ATXN2: variants seen among roughly 807,000 people sequenced by gnomAD.
ATXN2 encodes the protein ataxin 2.
A neutral mutation model predicts 138.6 loss-of-function variants in ATXN2; 37 were observed. That is an observed-to-expected ratio of 0.27 (90% confidence interval 0.21 to 0.35). The LOEUF (loss-of-function observed/expected upper bound fraction) is 0.35. Ranked by LOEUF, ATXN2 falls within the 10% of genes least tolerant of loss-of-function variation. The pLI is 1.00. For synonymous variants in ATXN2, 549 were observed against 543.7 expected (o/e 1.01, Z -0.13); for missense variants, 1,216 against 1,480.3 (o/e 0.82, Z 2.93).
At position 111,599,258 on chromosome 12, in the gene ATXN2, GCGC is replaced by G. The variant is rs1472453289; in HGVS notation, c.-227_-225del. 2.6e-6 allele frequency: 3 copies of G among 1,168,948 alleles called. No individual in the cohort carries two copies. The highest frequency in any genetic ancestry group is 8.2e-5 in the South Asian group (2 of 24,274). 72.4% of individuals were successfully genotyped at this position (1,168,948 alleles called of 1,614,324 possible). A position where few individuals can be genotyped will look rare whatever the true frequency, so the allele number is the denominator to read the frequency against. ...GAGCCGCCGGGAGCCGGGCCGAAAC[GCGC>G]CGCCGCCGTTGCCGTTGCTACCAAA... is the stretch of plus-strand genomic sequence containing the variant. On this transcript the variant is annotated 5_prime_UTR_variant, in exon 1 of 25. Transcript: ENST00000673436.
At chr12:111,587,085 A>AAT (rs1368608807) in intron 1 of ATXN2, among the ~76,000 whole-genome samples, 1 of 150,426 alleles carries the variant, frequency 6.6e-6, no homozygotes, top group African/African-American at 2.4e-5. Flanking sequence ...AAAAAAAAAA[A>AAT]AAAAAAAAGA....
chr12:111,465,335 C>A (rs1179610223), intron 20 of ATXN2, among the ~76,000 whole-genome samples: 1 of 149,476 alleles, frequency 6.7e-6, no homozygotes, highest in Non-Finnish European at 1.5e-5. Context: ...TCTTACTTAT[C>A]TGCATTAAAC....
intron 14 of ATXN2, among the ~76,000 whole-genome samples, chr12:111,498,686 A>G (rs1029799703): frequency 3.3e-5 from 5 of 152,326 alleles, no homozygotes; most frequent in African/African-American, 1.2e-4. Flanking sequence ...AATACCAATG[A>G]CATTCCTCAC....
At chr12:111,470,872 C>A (rs778138011) in intron 18 of ATXN2, 130 bp from the exon 19 acceptor site, 3 of 879,314 alleles carry the variant, frequency 3.4e-6, no homozygotes, top group Non-Finnish European at 5.3e-6. Context: ...CATACCACTC[C>A]CACTTCTGCC....
Position 111,453,096 on chromosome 12 carries a change from A to C in ATXN2, c.3440-256T>G. 7.8e-7 allele frequency: 1 copy of C among 1,276,098 alleles called. No individual in the cohort carries two copies. The highest frequency in any genetic ancestry group is 9.9e-7 in the Non-Finnish European group (1 of 1,012,344). 79.0% of individuals were successfully genotyped at this position (1,276,098 alleles called of 1,614,324 possible). On this transcript the variant is annotated intron_variant, in intron 24 of 24. Coordinates refer to ENST00000673436, the MANE Select transcript of ATXN2 (RefSeq NM_001372574.1). This position sits in a 1 kb window ranked among gnomAD's most constrained non-coding sequence, Gnocchi z 5.4. ...TTCATGGGGTAGAAAAAAAGGCCTTAACAAACCCCCTCCCCAAATATTAGC... is the reference window on the plus strand; with the variant it reads ...TTCATGGGGTAGAAAAAAAGGCCTTCACAAACCCCCTCCCCAAATATTAGC...
At chr12:111,524,617 T>G (rs1372862231) in intron 6 of ATXN2, among the ~76,000 whole-genome samples, 2 of 152,172 alleles carry the variant, frequency 1.3e-5, no homozygotes, top group Non-Finnish European at 2.9e-5. Context: ...GTACAGATAA[T>G]GCATTAAAGA....
In ATXN2 at chr12:111,485,335, G is replaced by A. The variant is rs1877563615; in HGVS notation, c.2458-4C>T. ...TCATAGGTATTGGGTATAAAGGCTTGAGAGAATTAAAAAAAAAATTAACAT... is the reference window on the plus strand; with the variant it reads ...TCATAGGTATTGGGTATAAAGGCTTAAGAGAATTAAAAAAAAAATTAACAT... On this transcript the variant is annotated splice_region_variant and splice_polypyrimidine_tract_variant and intron_variant, in intron 17 of 24. Transcript: ENST00000673436. 3 of 1,607,880 alleles carry A rather than the reference G, an allele frequency of 1.9e-6. No homozygotes were observed. Among genetic ancestry groups the A allele is most frequent in the Non-Finnish European group, 2.6e-6 (3 of 1,176,412 alleles).
At chr12:111,505,213 G>GA (rs374587661) in intron 14 of ATXN2, among the ~76,000 whole-genome samples, 1 of 150,736 alleles carries the variant, frequency 6.6e-6, no homozygotes. Context: ...TGTGTCAAAA[G>GA]AAAAAAAAAG....
rs528083499 is a variant in ATXN2 at position 111,505,691 on chromosome 12, A to G, written c.1935+3858T>C. On this transcript the variant is annotated intron_variant, in intron 14 of 24. Transcript: ENST00000673436. ...GACTATAATCAAAAAAGACAAGACA[A>G]TAAGTGTTAGCAAGGATGTGGAGAA... Among the ~76,000 whole-genome samples, 11 of 152,358 alleles carry G rather than the reference A, an allele frequency of 7.2e-5. No homozygotes were observed. The East Asian group carries it at 1.3e-3, about 19-fold the overall frequency.
intron 1 of ATXN2, among the ~76,000 whole-genome samples, chr12:111,580,062 C>T (rs1883908655): frequency 6.6e-6 from 1 of 152,150 alleles, no homozygotes; most frequent in African/African-American, 2.4e-5. Context: ...GATCCTCCCA[C>T]CTCAGCTCCC....
chr12:111,475,646 G>A (rs527517765), intron 18 of ATXN2, among the ~76,000 whole-genome samples: 2 of 151,212 alleles, frequency 1.3e-5, no homozygotes, highest in African/African-American at 2.4e-5. Flanking sequence ...GCCTGCCACC[G>A]GGCCCAGCCA....
chr12:111,587,928 C>T (rs1254893795), intron 1 of ATXN2, among the ~76,000 whole-genome samples: 5 of 152,066 alleles, frequency 3.3e-5, no homozygotes, highest in African/African-American at 1.2e-4. Context: ...CACAGTGGCT[C>T]ACACCTGTAA....
At chr12:111,518,225 G>T in intron 9 of ATXN2, 24 bp downstream of exon 9, 1 of 1,526,746 alleles carries the variant, frequency 6.5e-7, no homozygotes, top group South Asian at 1.3e-5. Flanking sequence ...CAATGATATT[G>T]ACAAGTCTGG....
chr12:111,538,132 A>G (rs1379905358), intron 5 of ATXN2, among the ~76,000 whole-genome samples: 1 of 152,062 alleles, frequency 6.6e-6, no homozygotes, highest in Non-Finnish European at 1.5e-5. Flanking sequence ...TTTTCTCCCT[A>G]TCTCAAATGA....
At chr12:111,550,979 A>G (rs995747786) in intron 5 of ATXN2, among the ~76,000 whole-genome samples, 1 of 152,200 alleles carries the variant, frequency 6.6e-6, no homozygotes, top group Non-Finnish European at 1.5e-5. Flanking sequence ...TCACTACAGA[A>G]TTTGGCATAT....
chr12:111,475,257 T>C (rs567100760), intron 18 of ATXN2, among the ~76,000 whole-genome samples: 48 of 149,032 alleles, frequency 3.2e-4, no homozygotes, highest in African/African-American at 8.9e-4. Context: ...GGCAGGAGAA[T>C]TGCTTGAACC....
At chr12:111,475,537 T>A (rs1876751278) in intron 18 of ATXN2, among the ~76,000 whole-genome samples, 1 of 147,862 alleles carries the variant, frequency 6.8e-6, no homozygotes, top group South Asian at 2.2e-4. Context: ...TCACCCAGGC[T>A]GGAGTACAGG....
intron 1 of ATXN2, among the ~76,000 whole-genome samples, chr12:111,559,136 G>GTT (rs762892445): frequency 4.7e-4 from 67 of 142,172 alleles, no homozygotes; most frequent in African/African-American, 1.6e-3. Flanking sequence ...ACAGTTTTTT[G>GTT]TTTTTTTTTT....
At position 111,598,855 on chromosome 12, in the gene ATXN2, G is replaced by A. The variant is rs1188921261; in HGVS notation, c.180C>T (p.Ser60=). The change falls in exon 1 of 25, where the codon TCC becomes TCT. Residue 60 remains serine, a synonymous_variant. Coordinates refer to ENST00000673436, the MANE Select transcript of ATXN2 (RefSeq NM_001372574.1). The surrounding 1 kb of genome is among the most constrained non-coding windows in gnomAD (Gnocchi z 4.5). ...AAPSPSSSSV[S]SSSATAPSSV... is the part of the protein sequence containing the mutation. The stretch of plus-strand genomic sequence containing the variant: ...AGGAGGGAGCCGTGGCCGAGGACGA[G>A]GAGACCGAGGACGAGGACGGCGAAG... The A allele has an allele frequency of 2.0e-6, 3 of 1,484,394 alleles. No individual in the cohort carries two copies. Among genetic ancestry groups the A allele is most frequent in the African/African-American group, 2.9e-5 (2 of 68,438 alleles). 92.0% of individuals were successfully genotyped at this position (1,484,394 alleles called of 1,614,324 possible).
Sources: allele counts gnomAD v4.1 joint callset (sites outside exome capture counted in the v4.1 genomes callset), GRCh38; gene constraint gnomAD v4.1.1; non-coding constraint Gnocchi (gnomAD v3.1); transcripts MANE v1.5; gene names NCBI Gene and HGNC (gene_info 2026-07-23, HGNC 2026-07-21).